TDRP: variants seen among roughly 807,000 people sequenced by gnomAD.
The protein encoded by TDRP is testis development related protein.
Under a neutral mutation model 10.5 loss-of-function variants are expected in TDRP, and 12 were observed. That is an observed-to-expected ratio of 1.15 (90% CI 0.73 to 1.86). TDRP has a LOEUF of 1.86. Ranked by LOEUF, TDRP falls within the 40% of genes most tolerant of loss-of-function variation. The pLI is 0.00. For missense variants in TDRP, 353 were observed against 229.2 expected, an observed-to-expected ratio of 1.54 and a Z score of -3.49; for synonymous variants, 139 against 95.4, an observed-to-expected ratio of 1.46 and a Z score of -2.67.
rs1206265833 is a variant in TDRP, at chr8:490,333, G to C, written c.*2066C>G. Reference sequence around the variant, plus strand: ...CAGTGCATATTCCAATCCCAATCTGGGTTTGTCCTCAAATTTTGAGAAATA... The same window carrying C: ...CAGTGCATATTCCAATCCCAATCTGCGTTTGTCCTCAAATTTTGAGAAATA... On this transcript the variant is annotated 3_prime_UTR_variant, in exon 3 of 3. Coordinates refer to ENST00000324079, the MANE Select transcript of TDRP (RefSeq NM_001384899.1). 2 of 151,458 alleles carry C rather than the reference G, an allele frequency of 1.3e-5. No homozygotes were observed. The highest frequency in any genetic ancestry group is 4.9e-5 in the African/African-American group (2 of 40,788). 9.4% of individuals were successfully genotyped at this position (151,458 alleles called of 1,614,324 possible). A position where few individuals can be genotyped will look rare whatever the true frequency, so the allele number is the denominator to read the frequency against.
At chr8:499,335 A>G (rs1363277317) in intron 1 of TDRP, among the ~76,000 whole-genome samples, 1 of 152,018 alleles carries the variant, frequency 6.6e-6, no homozygotes, top group East Asian at 1.9e-4. Flanking sequence ...TCTGCATACA[A>G]TTTTCCAGGA....
chr8:527,230 A>T (rs1802058184), intron 1 of TDRP, among the ~76,000 whole-genome samples: 1 of 152,172 alleles, frequency 6.6e-6, no homozygotes. Context: ...AGATCTCTAC[A>T]ATGAAAACTA....
chr8:501,990 G>T (rs73527929), intron 1 of TDRP, among the ~76,000 whole-genome samples: 1 of 152,304 alleles, frequency 6.6e-6, no homozygotes, highest in African/African-American at 2.4e-5. Flanking sequence ...GCTGTTCTGG[G>T]GGTGGTGACG....
intron 1 of TDRP, among the ~76,000 whole-genome samples, chr8:500,424 C>T (rs529181151): frequency 6.6e-6 from 1 of 152,298 alleles, no homozygotes; most frequent in Non-Finnish European, 1.5e-5. Context: ...TGTCCATGAG[C>T]ACAGAGCTTG....
rs57263869 is a variant in TDRP at position 521,246 on chromosome 8, C to CAAAAAAAA, written c.108+23396_108+23403dup. On this transcript the variant is annotated intron_variant, in intron 1 of 2. Coordinates refer to ENST00000324079, the MANE Select transcript of TDRP (RefSeq NM_001384899.1). Reference sequence around the variant, plus strand: ...TCAAACCCCGTCTCTACTAAAAATCCAAAAAAAAAAAAAAAAAAAAAATAG... The same window carrying CAAAAAAAA: ...TCAAACCCCGTCTCTACTAAAAATCCAAAAAAAAAAAAAAAAAAAAAAAAAAAAAATAG... Among the ~76,000 whole-genome samples, 93 of 84,524 alleles carry CAAAAAAAA rather than the reference C, an allele frequency of 1.1e-3. 3 individuals carry two copies. The highest frequency in any genetic ancestry group is 1.5e-3 in the African/African-American group (31 of 21,258). 55.5% of individuals were successfully genotyped at this position (84,524 alleles called of 152,430 possible). A position where few individuals can be genotyped will look rare whatever the true frequency, so the allele number is the denominator to read the frequency against.
rs1800993091 is a variant in TDRP, at chr8:492,074, T to C, written c.*325A>G. 2 of 1,156,962 alleles carry C rather than the reference T, an allele frequency of 1.7e-6. No homozygotes were observed. Among genetic ancestry groups the C allele is most frequent in the South Asian group, 4.1e-5 (1 of 24,670 alleles). The allele number at this position is 1,156,962 out of a possible 1,614,324, so 71.7% of individuals were successfully genotyped here. A position where few individuals can be genotyped will look rare whatever the true frequency, so the allele number is the denominator to read the frequency against. ...AACAGAACTACAACACAGAGCAGCA[T>C]GAAAATCATTTTGTGAGAAACTGCA... On this transcript the variant is annotated 3_prime_UTR_variant, in exon 3 of 3. Coordinates refer to ENST00000324079, the MANE Select transcript of TDRP (RefSeq NM_001384899.1).
At chr8:530,635 ATC>A (rs1802167598) in intron 1 of TDRP, among the ~76,000 whole-genome samples, 1 of 151,990 alleles carries the variant, frequency 6.6e-6, no homozygotes, top group South Asian at 2.1e-4. Flanking sequence ...GTTGCTTGTA[ATC>A]TCTCGATCCC....
chr8:494,325 G>A (rs567199195), intron 2 of TDRP, among the ~76,000 whole-genome samples, 169 bp downstream of exon 2: 2 of 152,172 alleles, frequency 1.3e-5, no homozygotes, highest in African/African-American at 2.4e-5. Context: ...GTCCATGACC[G>A]TCTGCCACTC....
intron 1 of TDRP, among the ~76,000 whole-genome samples, chr8:510,547 A>C (rs1038258459): frequency 6.6e-6 from 1 of 152,250 alleles, no homozygotes; most frequent in African/African-American, 2.4e-5. Context: ...TCTCAGTAAA[A>C]ACAATGAATG....
rs139170472 is a variant in TDRP at position 490,749 on chromosome 8, G to A, written c.*1650C>T. On this transcript the variant is annotated 3_prime_UTR_variant, in exon 3 of 3. Coordinates refer to ENST00000324079, the MANE Select transcript of TDRP (RefSeq NM_001384899.1). ...TACTAAAAATTATGAACTTGTCTCT[G>A]TATTATGGAACAAAGAAAACCTCCA... 6.6e-6 allele frequency: 1 copy of A among 152,204 alleles called. No individual in the cohort carries two copies. Among genetic ancestry groups the A allele is most frequent in the Non-Finnish European group, 1.5e-5 (1 of 68,044 alleles). 9.4% of individuals were successfully genotyped at this position (152,204 alleles called of 1,614,324 possible). A position where few individuals can be genotyped will look rare whatever the true frequency, so the allele number is the denominator to read the frequency against.
intron 1 of TDRP, among the ~76,000 whole-genome samples, chr8:531,910 G>C (rs1020606529): frequency 6.6e-6 from 1 of 152,154 alleles, no homozygotes; most frequent in African/African-American, 2.4e-5. Context: ...AACAGGAATG[G>C]GGGGATTTCA....
chr8:533,860 T>A (rs1475551770), intron 1 of TDRP, among the ~76,000 whole-genome samples: 1 of 152,244 alleles, frequency 6.6e-6, no homozygotes, highest in Non-Finnish European at 1.5e-5. Context: ...CTTGCTAATT[T>A]ACCGAGAACT....
intron 1 of TDRP, among the ~76,000 whole-genome samples, chr8:525,994 C>G (rs1802025390): frequency 6.6e-6 from 1 of 152,084 alleles, no homozygotes. Context: ...TTGGTCTGTT[C>G]AGGTTTTGGA....
At position 491,678 on chromosome 8, in the gene TDRP, CA is replaced by C; in HGVS notation, c.*720del. On this transcript the variant is annotated 3_prime_UTR_variant, in exon 3 of 3. Transcript: ENST00000324079. ...GATCCATACTTCTTTAATCTGTAAACAAAAAAGAGAGCAAATGTTTTAAGAA... is the reference window on the plus strand; with the variant it reads ...GATCCATACTTCTTTAATCTGTAAACAAAAAGAGAGCAAATGTTTTAAGAA... The C allele has an allele frequency of 1.3e-6, 2 of 1,499,090 alleles. No homozygotes were observed. The highest frequency in any genetic ancestry group is 1.3e-5 in the South Asian group (1 of 76,798). 92.9% of individuals were successfully genotyped at this position (1,499,090 alleles called of 1,614,324 possible).
chr8:541,537 A>G (rs959135914), intron 1 of TDRP, among the ~76,000 whole-genome samples: 2 of 152,248 alleles, frequency 1.3e-5, no homozygotes, highest in Admixed American at 1.3e-4. Flanking sequence ...CAAAACATAC[A>G]AAGAACTCTT....
At chr8:539,572 G>C (rs925799341) in intron 1 of TDRP, among the ~76,000 whole-genome samples, 2 of 152,206 alleles carry the variant, frequency 1.3e-5, no homozygotes, top group African/African-American at 4.8e-5. Context: ...AGGCAGGTGT[G>C]AAGGTGTTTA....
Position 492,508 on chromosome 8 carries a change from G to T in TDRP, c.449C>A (p.Ala150Asp). Residue 150 changes from alanine to aspartate, a missense_variant, in exon 3 of 3, where the codon GCC becomes GAC. Coordinates refer to ENST00000324079, the MANE Select transcript of TDRP (RefSeq NM_001384899.1). ...AKGSTKYTSL[A>D]SSANSSRWSL... ...CCACCTGGAGCTGTTGGCAGAGCTGGCCAGGCTGGTGTACTTGGTCGAGCC... is the reference window on the plus strand; with the variant it reads ...CCACCTGGAGCTGTTGGCAGAGCTGTCCAGGCTGGTGTACTTGGTCGAGCC... The T allele has an allele frequency of 1.2e-6, 2 of 1,610,420 alleles. No homozygotes were observed. The highest frequency in any genetic ancestry group is 8.5e-7 in the Non-Finnish European group (1 of 1,178,118).
At chr8:515,331 A>G (rs12334806) in intron 1 of TDRP, among the ~76,000 whole-genome samples, 67,383 of 152,120 alleles carry the variant, frequency 0.44, 15,949 homozygotes, top group Non-Finnish European at 0.53. Context: ...GAGTATATAC[A>G]TTATGCATGT....
chr8:497,460 T>A (rs1353273442), intron 1 of TDRP, among the ~76,000 whole-genome samples: 1 of 152,170 alleles, frequency 6.6e-6, no homozygotes, highest in African/African-American at 2.4e-5. Flanking sequence ...AGCAAAGGGT[T>A]CAACATGTGG....
Sources: gnomAD v4.1 joint callset for allele counts (sites outside exome capture counted in the v4.1 genomes callset) on GRCh38, gnomAD v4.1.1 for gene constraint, MANE v1.5 for transcripts, NCBI Gene and HGNC (gene_info 2026-07-23, HGNC 2026-07-21) for gene names.